TMEM117: variants seen among roughly 807,000 people sequenced by gnomAD.
TMEM117 encodes the protein transmembrane protein 117.
TMEM117 carries 27 observed loss-of-function variants against 52.4 expected under a neutral mutation model. That is an observed-to-expected ratio of 0.51 (90% CI 0.38 to 0.71). The LOEUF (loss-of-function observed/expected upper bound fraction) is 0.71. Ranked by LOEUF, TMEM117 falls within the 30% of genes least tolerant of loss-of-function variation. TMEM117 has a pLI of 0.00. For synonymous variants in TMEM117, 215 were observed against 206.3 expected (o/e 1.04, Z -0.36); for missense variants, 556 against 630.5 (o/e 0.88, Z 1.26).
In TMEM117 at chr12:43,944,262, A is replaced by G. The variant is rs1263378719; in HGVS notation, c.330A>G (p.Thr110=). The change falls in exon 3 of 8, where the codon ACA becomes ACG. Residue 110 remains threonine, a synonymous_variant. Coordinates refer to ENST00000266534, the MANE Select transcript of TMEM117 (RefSeq NM_032256.3). ...MFREDHGSWM[T]MFFSTILFLF... ...GAGAAGATCATGGGTCGTGGATGAC[A>G]ATGTTCTTCAGCACAATTCTCTTTC... 6.2e-7 allele frequency: 1 copy of G among 1,613,304 alleles called. No homozygotes were observed. Among genetic ancestry groups the G allele is most frequent in the Admixed American group, 1.7e-5 (1 of 59,996 alleles).
the TMEM117 span, chr12:43,805,702 T>G: frequency 1.1e-6 from 1 of 925,054 alleles, no homozygotes; most frequent in South Asian, 1.3e-5. Flanking sequence ...CTCATTTTCC[T>G]ATTTGGAGAG....
intron 3 of TMEM117, among the ~76,000 whole-genome samples, chr12:43,975,326 C>G (rs1945654965): frequency 6.6e-6 from 1 of 152,154 alleles, no homozygotes; most frequent in Non-Finnish European, 1.5e-5. Context: ...TGGGGTCAGA[C>G]TCTGCTTCAA....
the TMEM117 span, among the ~76,000 whole-genome samples, chr12:43,805,241 A>C: frequency 1.3e-5 from 2 of 152,190 alleles, no homozygotes; most frequent in African/African-American, 4.8e-5. Flanking sequence ...AGTGCTTGCT[A>C]TAAGGCTCAA....
At chr12:43,854,237 A>G (rs1943360517) in intron 2 of TMEM117, among the ~76,000 whole-genome samples, 1 of 152,170 alleles carries the variant, frequency 6.6e-6, no homozygotes, top group South Asian at 2.1e-4. Context: ...AACAGAAGTA[A>G]GAAGTTATTT....
chr12:43,926,349 A>G (rs1028095216), intron 2 of TMEM117, among the ~76,000 whole-genome samples: 3 of 152,166 alleles, frequency 2.0e-5, no homozygotes, highest in Admixed American at 6.5e-5. Context: ...CTCTCTTCCA[A>G]TCAGCTTACT....
chr12:44,352,562 T>C (rs185732184), intron 6 of TMEM117, among the ~76,000 whole-genome samples: 4 of 152,284 alleles, frequency 2.6e-5, no homozygotes, highest in African/African-American at 9.6e-5. Context: ...TTTTTGTCCC[T>C]GCGATAGTTT....
chr12:43,924,332 G>A (rs927042140), intron 2 of TMEM117, among the ~76,000 whole-genome samples: 15 of 151,998 alleles, frequency 9.9e-5, no homozygotes, highest in African/African-American at 3.6e-4. Flanking sequence ...GTAGACACTG[G>A]TCATATAAAA....
At chr12:44,317,002 CTTTTT>C (rs1202276425) in intron 6 of TMEM117, among the ~76,000 whole-genome samples, 1 of 121,530 alleles carries the variant, frequency 8.2e-6, no homozygotes, top group Non-Finnish European at 1.8e-5. Flanking sequence ...TTTTCTTTTT[CTTTTT>C]TTTTTTTTTT....
intron 5 of TMEM117, among the ~76,000 whole-genome samples, chr12:44,276,890 TTGTGTGTGTGTGTGTGTATGTG>T (rs960883803): frequency 1.4e-5 from 2 of 145,182 alleles, no homozygotes; most frequent in African/African-American, 5.4e-5. Flanking sequence ...CATGAAAAGT[TTGTGTGTGTGTGTGTGTATGTG>T]TGTGTGTGTG....
intron 3 of TMEM117, among the ~76,000 whole-genome samples, chr12:44,008,125 A>G (rs1438079840): frequency 1.3e-5 from 2 of 152,196 alleles, no homozygotes; most frequent in Non-Finnish European, 2.9e-5. Flanking sequence ...TGCTTCCTAC[A>G]AAGAAACAGA....
At chr12:44,177,537 G>A (rs1436150842) in intron 4 of TMEM117, among the ~76,000 whole-genome samples, 1 of 152,140 alleles carries the variant, frequency 6.6e-6, no homozygotes, top group Non-Finnish European at 1.5e-5. Context: ...TCAAAATTCA[G>A]TTAATGGTGG....
chr12:43,861,842 G>A (rs746621012), intron 2 of TMEM117, among the ~76,000 whole-genome samples: 2 of 152,142 alleles, frequency 1.3e-5, no homozygotes, highest in African/African-American at 2.4e-5. Context: ...TATAAGTTAT[G>A]TATTCTGATG....
At chr12:43,841,980 T>G (rs1425044670) in intron 1 of TMEM117, among the ~76,000 whole-genome samples, 2 of 152,226 alleles carry the variant, frequency 1.3e-5, no homozygotes, top group Non-Finnish European at 2.9e-5. Flanking sequence ...TAATAACAGC[T>G]TCTTAAATAA....
At chr12:44,062,995 C>A (rs765371383) in intron 3 of TMEM117, among the ~76,000 whole-genome samples, 1 of 152,228 alleles carries the variant, frequency 6.6e-6, no homozygotes, top group South Asian at 2.1e-4. Context: ...CATTAACTCT[C>A]GGCCTCATGG....
chr12:43,816,068 T>A, the TMEM117 span, among the ~76,000 whole-genome samples: 2 of 152,366 alleles, frequency 1.3e-5, no homozygotes, highest in Middle Eastern at 3.4e-3. Flanking sequence ...AAGATTTTTT[T>A]AAATACTATT....
At chr12:43,989,027 C>G (rs1325678161) in intron 3 of TMEM117, among the ~76,000 whole-genome samples, 1 of 152,042 alleles carries the variant, frequency 6.6e-6, no homozygotes, top group Non-Finnish European at 1.5e-5. Flanking sequence ...TCCCTATACT[C>G]AGTGAGAAAC....
intron 3 of TMEM117, among the ~76,000 whole-genome samples, chr12:44,030,800 G>T (rs1296412691): frequency 6.6e-6 from 1 of 152,178 alleles, no homozygotes; most frequent in East Asian, 1.9e-4. Flanking sequence ...AAAGCTGAAG[G>T]TTTAAGCAAG....
intron 3 of TMEM117, among the ~76,000 whole-genome samples, chr12:44,007,492 A>G (rs2137797506): frequency 6.6e-6 from 1 of 152,154 alleles, no homozygotes. Context: ...TTTTTTCAAG[A>G]AAAAAAGTGA....
At chr12:43,911,853 G>A (rs1944508148) in intron 2 of TMEM117, among the ~76,000 whole-genome samples, 2 of 151,360 alleles carry the variant, frequency 1.3e-5, no homozygotes, top group Admixed American at 6.6e-5. Flanking sequence ...AAGAACAGGT[G>A]CTGGAGAGGC....
Sources: allele counts gnomAD v4.1 joint callset (sites outside exome capture counted in the v4.1 genomes callset), GRCh38; gene constraint gnomAD v4.1.1; transcripts MANE v1.5; gene names NCBI Gene and HGNC (gene_info 2026-07-23, HGNC 2026-07-21).